Variants in SDCCAG8 observed in about 807,000 individuals in gnomAD.
SDCCAG8 encodes the protein SHH signaling and ciliogenesis regulator SDCCAG8.
Under a neutral mutation model 101.8 loss-of-function variants are expected in SDCCAG8, and 74 were observed. That is an observed-to-expected ratio of 0.73 (90% CI 0.60 to 0.88). SDCCAG8 has a LOEUF of 0.88. Among genes scored for constraint, SDCCAG8 ranks in the 40% least tolerant of loss-of-function variants. The probability of loss-of-function intolerance (pLI) is 0.00; values close to 1 mark genes in which losing one functional copy is unlikely to be tolerated. For missense variants in SDCCAG8, 787 were observed against 822.6 expected (o/e 0.96, Z 0.53); for synonymous variants, 281 against 292.9 (o/e 0.96, Z 0.41).
chr1:243,294,270 G>C (rs2149297396), intron 6 of SDCCAG8, among the ~76,000 whole-genome samples: 1 of 152,126 alleles, frequency 6.6e-6, no homozygotes, highest in African/African-American at 2.4e-5. Flanking sequence ...TTCTTTTCTA[G>C]AATTTGCTGT....
chr1:243,392,539 A>G (rs1188149311), intron 13 of SDCCAG8, among the ~76,000 whole-genome samples: 1 of 152,226 alleles, frequency 6.6e-6, no homozygotes, highest in Non-Finnish European at 1.5e-5. Flanking sequence ...TCACTATTGA[A>G]TTAGTTAACA....
chr1:243,482,363 C>G (rs1408658142), intron 16 of SDCCAG8, among the ~76,000 whole-genome samples: 1 of 152,178 alleles, frequency 6.6e-6, no homozygotes, highest in Non-Finnish European at 1.5e-5. Flanking sequence ...TTATGAGTCC[C>G]CTGTGATTTC....
rs34446782 is a variant in SDCCAG8, at chr1:243,324,459, C to CTTTTT, written c.1069-6064_1069-6060dup. ...GTTCAAGGCTTCACATCTTCACATGCTTTTTTTTTTTTTTTTTTTTTCAGA... is the reference window on the plus strand; with the variant it reads ...GTTCAAGGCTTCACATCTTCACATGCTTTTTTTTTTTTTTTTTTTTTTTTTTCAGA... On this transcript the variant is annotated intron_variant, in intron 9 of 17. Coordinates refer to ENST00000366541, the MANE Select transcript of SDCCAG8 (RefSeq NM_006642.5). Among the ~76,000 whole-genome samples the CTTTTT allele has an allele frequency of 7.1e-4, 62 of 87,010 alleles. 6 individuals are homozygous for CTTTTT. Among genetic ancestry groups the CTTTTT allele is most frequent in the African/African-American group, 1.7e-3 (37 of 21,394 alleles). The allele number at this position is 87,010 out of a possible 152,430, so 57.1% of individuals were successfully genotyped here.
chr1:243,340,972 C>A, intron 10 of SDCCAG8, 67 bp from the exon 11 acceptor site: 11 of 1,513,734 alleles, frequency 7.3e-6, no homozygotes, highest in Non-Finnish European at 1.0e-5. Context: ...GCTATTAATT[C>A]AAGAAAGTTT....
intron 16 of SDCCAG8, among the ~76,000 whole-genome samples, chr1:243,464,084 G>A (rs1659668933): frequency 6.6e-6 from 1 of 152,130 alleles, no homozygotes; most frequent in Non-Finnish European, 1.5e-5. Flanking sequence ...TCCTAGAGGG[G>A]AACAAAAGTG....
intron 3 of SDCCAG8, among the ~76,000 whole-genome samples, chr1:243,272,395 T>A (rs2068165054): frequency 6.6e-6 from 1 of 152,246 alleles, no homozygotes; most frequent in South Asian, 2.1e-4. Context: ...TAGAGAAATG[T>A]ACTTCATATG....
intron 16 of SDCCAG8, among the ~76,000 whole-genome samples, chr1:243,468,886 A>C (rs1660675214): frequency 6.6e-6 from 1 of 152,212 alleles, no homozygotes; most frequent in South Asian, 2.1e-4. Flanking sequence ...AACGTATGTG[A>C]AAAGTACTTC....
At chr1:243,269,961 A>C (rs1383236732) in intron 1 of SDCCAG8, 144 bp from the exon 2 acceptor site, 27 of 1,133,968 alleles carry the variant, frequency 2.4e-5, no homozygotes, top group Non-Finnish European at 3.3e-5. Flanking sequence ...CACATCCCTC[A>C]GCAAGCTAGA....
chr1:243,314,255 T>C (rs1278521074), intron 8 of SDCCAG8, among the ~76,000 whole-genome samples: 1 of 152,220 alleles, frequency 6.6e-6, no homozygotes, highest in Non-Finnish European at 1.5e-5. Context: ...TACGTGGAGT[T>C]TGAGTGTAAT....
intron 4 of SDCCAG8, among the ~76,000 whole-genome samples, chr1:243,280,617 G>T (rs1266602502): frequency 6.6e-6 from 1 of 151,886 alleles, no homozygotes; most frequent in African/African-American, 2.4e-5. Context: ...TTTATCAGTT[G>T]TATTTTAATT....
intron 8 of SDCCAG8, among the ~76,000 whole-genome samples, chr1:243,312,275 C>A (rs575764524): frequency 6.6e-6 from 1 of 152,208 alleles, no homozygotes. Context: ...ATGACTTTAA[C>A]ATGGAATGTT....
chr1:243,320,471 C>G (rs1000688967), intron 9 of SDCCAG8, among the ~76,000 whole-genome samples: 1 of 152,180 alleles, frequency 6.6e-6, no homozygotes, highest in Admixed American at 6.5e-5. Context: ...CTTTTGCCCT[C>G]CAAGGCTGCT....
chr1:243,337,093 C>G (rs2147767671), intron 10 of SDCCAG8, among the ~76,000 whole-genome samples: 1 of 152,178 alleles, frequency 6.6e-6, no homozygotes, highest in East Asian at 1.9e-4. Context: ...TAGGAAACAC[C>G]CGGAATGGTG....
chr1:243,398,367 T>G (rs576504282), intron 13 of SDCCAG8, among the ~76,000 whole-genome samples: 1 of 152,258 alleles, frequency 6.6e-6, no homozygotes, highest in South Asian at 2.1e-4. Context: ...AATTTTGGTC[T>G]CTTTTTTTTT....
chr1:243,365,338 A>T (rs1169924795), intron 12 of SDCCAG8, among the ~76,000 whole-genome samples: 1 of 152,146 alleles, frequency 6.6e-6, no homozygotes, highest in Non-Finnish European at 1.5e-5. Context: ...TGTTTTTGGG[A>T]CCATTTAGAT....
intron 12 of SDCCAG8, among the ~76,000 whole-genome samples, chr1:243,361,435 A>G (rs1228397520): frequency 6.6e-6 from 1 of 152,250 alleles, no homozygotes; most frequent in Non-Finnish European, 1.5e-5. Context: ...CACATTTGCG[A>G]AAGCAAAACG....
At chr1:243,281,136 C>T (rs1000598247) in intron 4 of SDCCAG8, among the ~76,000 whole-genome samples, 2 of 152,114 alleles carry the variant, frequency 1.3e-5, no homozygotes, top group African/African-American at 4.8e-5. Flanking sequence ...ACCTCTTTAT[C>T]TCTGATCATT....
intron 9 of SDCCAG8, among the ~76,000 whole-genome samples, chr1:243,321,349 G>T (rs907010668): frequency 6.6e-6 from 1 of 151,628 alleles, no homozygotes; most frequent in Non-Finnish European, 1.5e-5. Flanking sequence ...TGAGCATAGT[G>T]CCCCATAGGT....
chr1:243,311,216 T>C (rs573955006), intron 8 of SDCCAG8, among the ~76,000 whole-genome samples: 1 of 152,314 alleles, frequency 6.6e-6, no homozygotes, highest in East Asian at 1.9e-4. Flanking sequence ...CTATGTCATT[T>C]TGTGCATAGT....
Sources: gnomAD v4.1 joint callset for allele counts (sites outside exome capture counted in the v4.1 genomes callset) on GRCh38, gnomAD v4.1.1 for gene constraint, MANE v1.5 for transcripts, NCBI Gene and HGNC (gene_info 2026-07-23, HGNC 2026-07-21) for gene names.